The following PLCXD2 variants were observed in gnomAD, a reference collection of about 807,000 sequenced individuals.
PLCXD2 encodes the protein PI-PLC X domain-containing protein 2.
Under a neutral mutation model 28.6 loss-of-function variants are expected in PLCXD2, and 21 were observed. That is an observed-to-expected ratio of 0.73 (90% CI 0.52 to 1.06). The LOEUF (loss-of-function observed/expected upper bound fraction) is 1.06, where lower values mean the gene tolerates loss of function less well. Ranked by LOEUF, PLCXD2 falls within the 50% of genes least tolerant of loss-of-function variation. The pLI is 0.00. For missense variants in PLCXD2, 369 were observed against 376.7 expected, an observed-to-expected ratio of 0.98 and a Z score of 0.17; for synonymous variants, 140 against 150.1, an observed-to-expected ratio of 0.93 and a Z score of 0.49.
At chr3:111,678,192 C>T (rs1057466797) in intron 1 of PLCXD2, among the ~76,000 whole-genome samples, 2 of 152,220 alleles carry the variant, frequency 1.3e-5, no homozygotes, top group Non-Finnish European at 2.9e-5. Context: ...TGAATGTGCA[C>T]CTCTCAACAG....
chr3:111,718,805 A>G (rs1481105738), intron 3 of PLCXD2, among the ~76,000 whole-genome samples: 2 of 152,172 alleles, frequency 1.3e-5, no homozygotes, highest in Non-Finnish European at 2.9e-5. Flanking sequence ...TTTTACTATG[A>G]TGTAAACTGT....
At chr3:111,695,051 A>G (rs1387790833) in intron 1 of PLCXD2, among the ~76,000 whole-genome samples, 1 of 151,798 alleles carries the variant, frequency 6.6e-6, no homozygotes, top group African/African-American at 2.4e-5. Flanking sequence ...GTTTTAGTAC[A>G]TTTGAAAAAA....
chr3:111,694,127 C>T (rs1393720705), intron 1 of PLCXD2, among the ~76,000 whole-genome samples: 1 of 152,170 alleles, frequency 6.6e-6, no homozygotes, highest in Non-Finnish European at 1.5e-5. Flanking sequence ...CTGAGCCCTG[C>T]AGCCCCCTCT....
chr3:111,723,354 T>C (rs556757547), intron 3 of PLCXD2: 1 of 152,220 alleles, frequency 6.6e-6, no homozygotes, highest in South Asian at 2.1e-4. Context: ...GTTTACATGA[T>C]TTTGTCCTTT....
At chr3:111,717,595 C>T (rs1170213023) in intron 3 of PLCXD2, among the ~76,000 whole-genome samples, 1 of 152,184 alleles carries the variant, frequency 6.6e-6, no homozygotes, top group Non-Finnish European at 1.5e-5. Flanking sequence ...TCACTGGAAA[C>T]CACAGGTACA....
At chr3:111,676,867 G>A (rs1181936151) in intron 1 of PLCXD2, 1 of 152,270 alleles carries the variant, frequency 6.6e-6, no homozygotes, top group East Asian at 1.9e-4. Context: ...CATGTCCGGG[G>A]TAGGTTGGGG....
chr3:111,674,996 A>G lies in PLCXD2; in HGVS notation c.-250A>G, dbSNP rs542578252. ...TACCTTCCCCCATCTCCAGAGGGGA[A>G]CATAAGAAGTTTAACGGAGCTGGGA... is the stretch of plus-strand genomic sequence containing the variant. On this transcript the variant is annotated 5_prime_UTR_variant, in exon 1 of 5. Coordinates refer to ENST00000477665, the MANE Select transcript of PLCXD2 (RefSeq NM_001185106.1). 13 of 467,374 alleles carry G rather than the reference A, an allele frequency of 2.8e-5. No homozygotes were observed. In the South Asian group the frequency reaches 4.3e-4, roughly 16 times the overall value. 29.0% of individuals were successfully genotyped at this position (467,374 alleles called of 1,614,324 possible).
chr3:111,687,343 G>A (rs1940809660), intron 1 of PLCXD2, among the ~76,000 whole-genome samples: 1 of 152,042 alleles, frequency 6.6e-6, no homozygotes, highest in African/African-American at 2.4e-5. Flanking sequence ...GACTAATGAT[G>A]GTAATTAAAA....
intron 3 of PLCXD2, among the ~76,000 whole-genome samples, chr3:111,716,981 G>A (rs1941275140): frequency 1.3e-5 from 2 of 152,136 alleles, no homozygotes; most frequent in Admixed American, 1.3e-4. Flanking sequence ...CAAGGACAGA[G>A]GCCTCAGGAG....
At chr3:111,712,869 G>T (rs1192943908) in intron 2 of PLCXD2, among the ~76,000 whole-genome samples, 1 of 152,190 alleles carries the variant, frequency 6.6e-6, no homozygotes, top group Non-Finnish European at 1.5e-5. Flanking sequence ...GAATTGGGAC[G>T]ATCAAAATAG....
At chr3:111,702,227 C>T (rs1479212415) in intron 1 of PLCXD2, among the ~76,000 whole-genome samples, 2 of 152,010 alleles carry the variant, frequency 1.3e-5, no homozygotes, top group African/African-American at 4.8e-5. Flanking sequence ...CAGAAATGTG[C>T]AGAAATATAC....
At chr3:111,702,959 G>T (rs1186420034) in intron 1 of PLCXD2, among the ~76,000 whole-genome samples, 1 of 152,176 alleles carries the variant, frequency 6.6e-6, no homozygotes, top group African/African-American at 2.4e-5. Context: ...GTGCAGGAAT[G>T]GGGGGACATT....
intron 1 of PLCXD2, among the ~76,000 whole-genome samples, chr3:111,696,204 C>G (rs1399036410): frequency 6.6e-6 from 1 of 152,194 alleles, no homozygotes; most frequent in Non-Finnish European, 1.5e-5. Flanking sequence ...AAGCATGATA[C>G]TGCTTTCTCT....
In PLCXD2 at chr3:111,713,201, C is replaced by T. The variant is rs531468358; in HGVS notation, c.625-686C>T. 2.6e-5 allele frequency among the ~76,000 whole-genome samples: 4 copies of T among 152,350 alleles called. No homozygotes were observed. In the South Asian group the frequency reaches 8.3e-4, roughly 32 times the overall value. On this transcript the variant is annotated intron_variant, in intron 2 of 4. Coordinates refer to ENST00000477665, the MANE Select transcript of PLCXD2 (RefSeq NM_001185106.1). The stretch of plus-strand genomic sequence containing the variant: ...TGCTGCTCAGCCTAAGAGTTCTCAG[C>T]CTGAGGTCCAAAGCTTCCCCAGAGG...
intron 1 of PLCXD2, among the ~76,000 whole-genome samples, chr3:111,702,967 A>T (rs1271452145): frequency 6.6e-6 from 1 of 152,206 alleles, no homozygotes; most frequent in Admixed American, 6.5e-5. Context: ...ATGGGGGGAC[A>T]TTGTTAGCCT....
chr3:111,695,677 G>A (rs1012784751), intron 1 of PLCXD2, among the ~76,000 whole-genome samples: 1 of 152,158 alleles, frequency 6.6e-6, no homozygotes, highest in Non-Finnish European at 1.5e-5. Flanking sequence ...ATCTGTTGAT[G>A]GTTATATTGG....
intron 2 of PLCXD2, among the ~76,000 whole-genome samples, chr3:111,712,818 G>A (rs1941219736): frequency 6.6e-6 from 1 of 152,194 alleles, no homozygotes; most frequent in Non-Finnish European, 1.5e-5. Flanking sequence ...CCTGGGACAG[G>A]GAAAAATATA....
rs557917933 is a variant in PLCXD2 at position 111,683,184 on chromosome 3, T to A, written c.163+7776T>A. Among the ~76,000 whole-genome samples, 10 of 152,308 alleles carry A rather than the reference T, an allele frequency of 6.6e-5. 1 individual carries two copies. In the South Asian group the frequency reaches 2.1e-3, roughly 32 times the overall value. The stretch of plus-strand genomic sequence containing the variant: ...AGGAGGAAAGCTTGGTAGGTTGGAC[T>A]TCCAAGAGCACCCTTGGGTTGAAAT... On this transcript the variant is annotated intron_variant, in intron 1 of 4. Coordinates refer to ENST00000477665, the MANE Select transcript of PLCXD2 (RefSeq NM_001185106.1).
intron 1 of PLCXD2, among the ~76,000 whole-genome samples, chr3:111,676,454 T>C (rs1027593353): frequency 1.3e-5 from 2 of 152,236 alleles, no homozygotes; most frequent in African/African-American, 4.8e-5. Flanking sequence ...CTTTGCTTTC[T>C]GTGCATGAGG....
Sources: gnomAD v4.1 joint callset for allele counts (sites outside exome capture counted in the v4.1 genomes callset) on GRCh38, gnomAD v4.1.1 for gene constraint, MANE v1.5 for transcripts, NCBI Gene and HGNC (gene_info 2026-07-23, HGNC 2026-07-21) for gene names.